Variants in COL14A1 observed in about 807,000 individuals in gnomAD.
COL14A1 encodes collagen alpha-1(XIV) chain.
A neutral mutation model predicts 230.3 loss-of-function variants in COL14A1; 136 were observed. That is an observed-to-expected ratio of 0.59 (90% CI 0.51 to 0.68). COL14A1 has a LOEUF of 0.68. COL14A1 is among the 30% of genes least tolerant of loss of function. The pLI, the probability that COL14A1 is intolerant of heterozygous loss-of-function variation, is 0.00. For synonymous variants in COL14A1, 792 were observed against 784.1 expected, an observed-to-expected ratio of 1.01 and a Z score of -0.17; for missense variants, 1,976 against 2,215.8, an observed-to-expected ratio of 0.89 and a Z score of 2.17.
At chr8:120,223,820 C>A (rs532754365) in intron 14 of COL14A1, among the ~76,000 whole-genome samples, 2 of 151,972 alleles carry the variant, frequency 1.3e-5, no homozygotes, top group East Asian at 3.9e-4. Flanking sequence ...AGTTGGGGCA[C>A]CTCATTATGC....
intron 5 of COL14A1, among the ~76,000 whole-genome samples, chr8:120,175,893 T>A (rs548616616): frequency 9.2e-5 from 14 of 152,260 alleles, no homozygotes; most frequent in African/African-American, 3.4e-4. Context: ...GCTGTACTCA[T>A]AAAAAAATAC....
intron 15 of COL14A1, among the ~76,000 whole-genome samples, chr8:120,225,604 GAC>G (rs1297091478): frequency 1.3e-5 from 2 of 152,096 alleles, no homozygotes; most frequent in Non-Finnish European, 2.9e-5. Flanking sequence ...CCACAAAAAT[GAC>G]AGTCTCATAC....
At chr8:120,301,255 G>C (rs1321801034) in intron 36 of COL14A1, among the ~76,000 whole-genome samples, 1 of 151,940 alleles carries the variant, frequency 6.6e-6, no homozygotes, top group Non-Finnish European at 1.5e-5. Flanking sequence ...ACATAGATAG[G>C]TGAACTCATG....
At chr8:120,270,263 C>A in intron 26 of COL14A1, 89 bp downstream of exon 26, 1 of 1,307,922 alleles carries the variant, frequency 7.6e-7, no homozygotes, top group Non-Finnish European at 1.0e-6. Flanking sequence ...GACTATAGGT[C>A]AAGAACTGTA....
intron 37 of COL14A1, among the ~76,000 whole-genome samples, chr8:120,311,844 C>A (rs1821053896): frequency 6.6e-6 from 1 of 152,122 alleles, no homozygotes; most frequent in African/African-American, 2.4e-5. Flanking sequence ...TGCCTGTAAT[C>A]TCAGCACTTT....
At chr8:120,253,414 A>G (rs1819038512) in intron 22 of COL14A1, among the ~76,000 whole-genome samples, 1 of 151,998 alleles carries the variant, frequency 6.6e-6, no homozygotes, top group South Asian at 2.1e-4. Flanking sequence ...TCTCTCCCTT[A>G]ATAAATATAT....
rs184105890 is a variant in COL14A1, at chr8:120,276,200, G to A, written c.3214-1911G>A. On this transcript the variant is annotated intron_variant, in intron 26 of 47. Coordinates refer to ENST00000297848, the MANE Select transcript of COL14A1 (RefSeq NM_021110.4). Reference sequence around the variant, plus strand: ...CTACTCAGCCATAAAAAAGAACAAAGTAATGTACTTTGCAGCAGCTTGAAT... The same window carrying A: ...CTACTCAGCCATAAAAAAGAACAAAATAATGTACTTTGCAGCAGCTTGAAT... Among the ~76,000 whole-genome samples the A allele has an allele frequency of 3.4e-3, 508 of 150,924 alleles. 1 individual carries two copies. The highest frequency in any genetic ancestry group is 0.011 in the African/African-American group (465 of 41,182).
intron 33 of COL14A1, among the ~76,000 whole-genome samples, chr8:120,287,806 G>A (rs1820250591): frequency 6.6e-6 from 1 of 152,030 alleles, no homozygotes; most frequent in Non-Finnish European, 1.5e-5. Context: ...AATTCAATTT[G>A]TAGAAGTCGA....
In COL14A1 at chr8:120,179,589, A is replaced by G. The variant is rs149423946; in HGVS notation, c.436+11342A>G. Among the ~76,000 whole-genome samples, 52 of 152,366 alleles carry G rather than the reference A, an allele frequency of 3.4e-4. 1 individual carries two copies. In the East Asian group the frequency reaches 0.01, roughly 29 times the overall value. ...TCCATGCTCATGGATAGGAAGAATCAATATTGTGAAAATGGTGATACTGCC... is the reference window on the plus strand; with the variant it reads ...TCCATGCTCATGGATAGGAAGAATCGATATTGTGAAAATGGTGATACTGCC... On this transcript the variant is annotated intron_variant, in intron 5 of 47. Transcript: ENST00000297848.
chr8:120,196,764 T>C (rs762324152), intron 5 of COL14A1, 27 bp from the exon 6 acceptor site: 2 of 1,609,360 alleles, frequency 1.2e-6, no homozygotes, highest in Non-Finnish European at 1.7e-6. Flanking sequence ...CAGTAACACA[T>C]GCGCTTTTCT....
intron 37 of COL14A1, among the ~76,000 whole-genome samples, chr8:120,313,341 C>T (rs1016474223): frequency 2.0e-5 from 3 of 152,100 alleles, no homozygotes; most frequent in Non-Finnish European, 4.4e-5. Flanking sequence ...GCCTGGGCAA[C>T]AGAATGAGAC....
chr8:120,233,842 T>G (rs933242309), intron 19 of COL14A1, among the ~76,000 whole-genome samples: 7 of 152,176 alleles, frequency 4.6e-5, no homozygotes, highest in Admixed American at 2.6e-4. Flanking sequence ...TAGTTTTTTC[T>G]AATTCTGCGA....
In COL14A1 at chr8:120,227,363, GT is replaced by G; in HGVS notation, c.2137+12del. 6.2e-7 allele frequency: 1 copy of G among 1,613,086 alleles called. No homozygotes were observed. The highest frequency in any genetic ancestry group is 8.5e-7 in the Non-Finnish European group (1 of 1,179,916). On this transcript the variant is annotated intron_variant, in intron 17 of 47. Transcript: ENST00000297848. ...CTGTCGGGACCACACGTAAGTCTTG[GT>G]CTGGCCACAGTGCGTTTTAGCTGCT...
At chr8:120,208,439 C>G in intron 11 of COL14A1, 78 bp downstream of exon 11, 1 of 1,481,256 alleles carries the variant, frequency 6.8e-7, no homozygotes, top group Non-Finnish European at 9.2e-7. Flanking sequence ...AAATTCTGCT[C>G]AGGTCATGTT....
intron 32 of COL14A1, 84 bp from the exon 33 acceptor site, chr8:120,285,777 T>G: frequency 1.5e-5 from 12 of 822,384 alleles, no homozygotes; most frequent in Non-Finnish European, 2.1e-5. Context: ...AATCGATGCA[T>G]TGTTTTGTTT....
intron 26 of COL14A1, among the ~76,000 whole-genome samples, chr8:120,272,217 A>G (rs1819688889): frequency 6.6e-6 from 1 of 151,826 alleles, no homozygotes. Flanking sequence ...TGGAGGAAAA[A>G]TAAAGTCATT....
chr8:120,259,364 T>C (rs1586811429), intron 23 of COL14A1, among the ~76,000 whole-genome samples: 1 of 152,180 alleles, frequency 6.6e-6, no homozygotes, highest in East Asian at 1.9e-4. Flanking sequence ...TGTTGCTTCC[T>C]AAGAATGAGT....
chr8:120,235,870 A>G (rs1219509725), intron 19 of COL14A1, among the ~76,000 whole-genome samples: 1 of 152,072 alleles, frequency 6.6e-6, no homozygotes, highest in Non-Finnish European at 1.5e-5. Flanking sequence ...TGATTTTGTT[A>G]TGTACCCAGT....
intron 34 of COL14A1, among the ~76,000 whole-genome samples, chr8:120,289,983 G>A (rs558279742): frequency 2.0e-5 from 3 of 152,276 alleles, no homozygotes; most frequent in East Asian, 3.9e-4. Context: ...GCTTGTGGTA[G>A]TATGCTTCCA....
Sources: gnomAD v4.1 joint callset for allele counts (sites outside exome capture counted in the v4.1 genomes callset) on GRCh38, gnomAD v4.1.1 for gene constraint, MANE v1.5 for transcripts, NCBI Gene and HGNC (gene_info 2026-07-23, HGNC 2026-07-21) for gene names.